DENND1C: variants seen among roughly 807,000 people sequenced by gnomAD.
DENND1C encodes the protein DENN domain-containing protein 1C.
DENND1C carries 64 observed loss-of-function variants against 87.9 expected under a neutral mutation model. The ratio of observed to expected loss-of-function variants is 0.73; its 90% confidence interval spans 0.60 to 0.90. The LOEUF is 0.90. Among genes scored for constraint, DENND1C ranks in the 40% least tolerant of loss-of-function variants. The probability of loss-of-function intolerance (pLI) is 0.00; values close to 1 mark genes in which losing one functional copy is unlikely to be tolerated. For missense variants in DENND1C, 980 were observed against 1,037.0 expected, an observed-to-expected ratio of 0.95 and a Z score of 0.76; for synonymous variants, 384 against 424.4, an observed-to-expected ratio of 0.90 and a Z score of 1.17.
chr19:6,471,651 T>G (rs2145185495), intron 15 of DENND1C, among the ~76,000 whole-genome samples, 155 bp from the exon 16 acceptor site: 1 of 152,152 alleles, frequency 6.6e-6, no homozygotes, highest in African/African-American at 2.4e-5. Flanking sequence ...TTATTTTTTA[T>G]TTTTATTTTT....
rs1293375435 is a variant in DENND1C at position 6,475,555 on chromosome 19, C to T, written c.856G>A (p.Val286Met). 3.7e-6 allele frequency: 6 copies of T among 1,614,008 alleles called. No individual in the cohort carries two copies. The highest frequency in any genetic ancestry group is 4.2e-6 in the Non-Finnish European group (5 of 1,179,872). The change falls in exon 13 of 23, where the codon GTG becomes ATG. Residue 286 changes from valine to methionine, a missense_variant. By Grantham distance (21) the Val-to-Met change is conservative (BLOSUM62 1). Transcript: ENST00000381480. Reference protein sequence around the residue: ...RVREKALEDVVVLNVDANTLE... With the variant: ...RVREKALEDVMVLNVDANTLE... ...GTATTGGCGTCCACGTTCAGCACCA[C>T]GACGTCCTCCAGGGCTTTTTCTCGT...
In DENND1C at chr19:6,477,236, G is replaced by A. The variant is rs1260099240; in HGVS notation, c.495C>T (p.Thr165=). ...CGCTCACCGGCTTGCTATTCCCCCG[G>A]GTAGGGGGGGGGATACCCTGCCCGC... The part of the protein sequence containing the change: ...VSSGQGIPPP[T]RGNSKPLSCF... The change falls in exon 8 of 23, where the codon ACC becomes ACT. Residue 165 remains threonine (T), a synonymous_variant. Transcript: ENST00000381480. 3.2e-6 allele frequency: 5 copies of A among 1,585,600 alleles called. No homozygotes were observed. Among genetic ancestry groups the A allele is most frequent in the Non-Finnish European group, 3.4e-6 (4 of 1,165,208 alleles).
chr19:6,476,752 G>C (rs4807872), intron 10 of DENND1C, 105 bp downstream of exon 10: 3 of 1,166,618 alleles, frequency 2.6e-6, no homozygotes, highest in East Asian at 5.2e-5. Context: ...CTTCGCCCTC[G>C]GGTCTCGCGC....
rs902771243 is a variant in DENND1C at position 6,481,744 on chromosome 19, G to A, written c.-49C>T. 4.6e-6 allele frequency: 7 copies of A among 1,517,202 alleles called. No individual in the cohort carries two copies. Among genetic ancestry groups the A allele is most frequent in the African/African-American group, 1.4e-5 (1 of 69,804 alleles). 94.0% of individuals were successfully genotyped at this position (1,517,202 alleles called of 1,614,324 possible). On this transcript the variant is annotated 5_prime_UTR_variant, in exon 1 of 23. Coordinates refer to ENST00000381480, the MANE Select transcript of DENND1C (RefSeq NM_024898.4). ...GGGGCCCTCTCCCCAGGGGTCCTGG[G>A]GGCCTGTGTATGCTGGGCCCCAAGC... is the stretch of plus-strand genomic sequence containing the variant.
intron 19 of DENND1C, 65 bp from the exon 20 acceptor site, chr19:6,469,018 G>T: frequency 3.1e-6 from 3 of 970,906 alleles, no homozygotes; most frequent in Non-Finnish European, 4.1e-6. Context: ...CCTACCATTG[G>T]TCTTTAGTTA....
chr19:6,480,346 CCTGTCTG>C, intron 1 of DENND1C: 1 of 1,339,334 alleles, frequency 7.5e-7, no homozygotes, highest in Non-Finnish European at 9.6e-7. Flanking sequence ...TGTGTGTGAT[CCTGTCTG>C]CTGTCTGCCT....
Position 6,469,582 on chromosome 19 carries a change from C to G in DENND1C, c.1407+14G>C, listed in dbSNP as rs746411728. 7 of 1,601,132 alleles carry G rather than the reference C, an allele frequency of 4.4e-6. No individual in the cohort carries two copies. In the African/African-American group the frequency reaches 9.4e-5, roughly 21 times the overall value. The stretch of plus-strand genomic sequence containing the variant: ...TACAGGGGTGAGCCACTGCACCCGG[C>G]CAGTTGATCTTACCTTATACATTAG... On this transcript the variant is annotated intron_variant, in intron 19 of 22. Coordinates refer to ENST00000381480, the MANE Select transcript of DENND1C (RefSeq NM_024898.4).
intron 4 of DENND1C, 138 bp downstream of exon 4, chr19:6,479,531 C>CCTGAGTGT (rs2092885893): frequency 9.4e-7 from 1 of 1,065,426 alleles, no homozygotes; most frequent in Non-Finnish European, 1.4e-6. Flanking sequence ...TCTCAGGGCC[C>CCTGAGTGT]CTGAGTGTCT....
chr19:6,475,448 C>G (rs1599385178), intron 13 of DENND1C, 36 bp downstream of exon 13: 1 of 1,613,570 alleles, frequency 6.2e-7, no homozygotes, highest in East Asian at 2.2e-5. Context: ...GGCCCCTCGC[C>G]TCCCGGGGCA....
At chr19:6,478,673 G>T in intron 6 of DENND1C, 110 bp downstream of exon 6, 1 of 1,286,878 alleles carries the variant, frequency 7.8e-7, no homozygotes. Flanking sequence ...GACTACAGGT[G>T]TGACACAGTG....
At position 6,471,280 on chromosome 19, in the gene DENND1C, C is replaced by T. The variant is rs200123826; in HGVS notation, c.1275G>A (p.Trp425Ter). 73 of 1,594,984 alleles carry T rather than the reference C, an allele frequency of 4.6e-5. No homozygotes were observed. Among genetic ancestry groups the T allele is most frequent in the Non-Finnish European group, 5.7e-5 (67 of 1,170,676 alleles). ...GTGGTCTTACCTTTAGATTGTCGGCCCAGAGCTGATAGGATCGAAGGGCCC... is the reference window on the plus strand; with the variant it reads ...GTGGTCTTACCTTTAGATTGTCGGCTCAGAGCTGATAGGATCGAAGGGCCC... ...SSGALRSYQL[W>*]ADNLKKGGGA... The change falls in exon 17 of 23, where the codon TGG becomes TGA. Residue 425 changes from tryptophan to a stop codon, truncating the protein, a stop_gained. Coordinates refer to ENST00000381480, the MANE Select transcript of DENND1C (RefSeq NM_024898.4). LOFTEE classifies it high-confidence loss of function.
chr19:6,475,935 CAGCTGGGG>C lies in DENND1C; in HGVS notation c.679-6_680del. 6.4e-7 allele frequency: 1 copy of C among 1,560,470 alleles called. No homozygotes were observed. The highest frequency in any genetic ancestry group is 8.6e-7 in the Non-Finnish European group (1 of 1,162,514). On this transcript the variant is annotated splice_acceptor_variant and splice_polypyrimidine_tract_variant and coding_sequence_variant and intron_variant, in exon 11 of 23. Transcript: ENST00000381480. LOFTEE classifies it high-confidence loss of function. ...CGCAGGACGCGTGGACGCACGAGGT[CAGCTGGGG>C]AGCGATGGCGGGGCGTGGAGTCAGG...
Position 6,479,691 on chromosome 19 carries a change from A to T in DENND1C, c.154T>A (p.Cys52Ser). The T allele has an allele frequency of 1.2e-6, 2 of 1,613,918 alleles. No homozygotes were observed. Among genetic ancestry groups the T allele is most frequent in the Non-Finnish European group, 1.7e-6 (2 of 1,179,858 alleles). Residue 52 changes from cysteine (C) to serine (S), a missense_variant, in exon 4 of 23, where the codon TGC becomes AGC. Coordinates refer to ENST00000381480, the MANE Select transcript of DENND1C (RefSeq NM_024898.4). ...QEAMQMVPKF[C>S]FPFDVEREPP... is the part of the protein sequence containing the mutation. ...TACCTTTCCACATCAAAAGGGAAGCAGAATTTAGGCACCATCTGCATAGCT... is the reference window on the plus strand; with the variant it reads ...TACCTTTCCACATCAAAAGGGAAGCTGAATTTAGGCACCATCTGCATAGCT...
chr19:6,467,383 G>T lies in DENND1C; in HGVS notation c.*121C>A. 1.5e-6 allele frequency: 2 copies of T among 1,322,210 alleles called. No homozygotes were observed. Among genetic ancestry groups the T allele is most frequent in the Non-Finnish European group, 2.0e-6 (2 of 1,003,302 alleles). The allele number at this position is 1,322,210 out of a possible 1,614,324, so 81.9% of individuals were successfully genotyped here. A position where few individuals can be genotyped will look rare whatever the true frequency, so the allele number is the denominator to read the frequency against. On this transcript the variant is annotated 3_prime_UTR_variant, in exon 23 of 23. Coordinates refer to ENST00000381480, the MANE Select transcript of DENND1C (RefSeq NM_024898.4). Reference sequence around the variant, plus strand: ...AGGCTGCCCTTGGAGGGACAGAGGTGGGTGGGATGGATTTCCGAGCAGAGT... The same window carrying T: ...AGGCTGCCCTTGGAGGGACAGAGGTTGGTGGGATGGATTTCCGAGCAGAGT...
chr19:6,481,619 C>G, intron 1 of DENND1C, 60 bp downstream of exon 1: 1 of 1,608,978 alleles, frequency 6.2e-7, no homozygotes, highest in South Asian at 1.1e-5. Flanking sequence ...CCCCTCTGCC[C>G]CGGCTCAGGC....
chr19:6,472,870 C>G lies in DENND1C; in HGVS notation c.1158+19G>C. On this transcript the variant is annotated intron_variant, in intron 15 of 22. Transcript: ENST00000381480. ...AGTCCACCTCCAGTCCCAGCTGGACCCTCAGGGCTCTGGCATACCTGTTTG... is the reference window on the plus strand; with the variant it reads ...AGTCCACCTCCAGTCCCAGCTGGACGCTCAGGGCTCTGGCATACCTGTTTG... 8.0e-6 allele frequency: 12 copies of G among 1,493,076 alleles called. No homozygotes were observed. Among genetic ancestry groups the G allele is most frequent in the Non-Finnish European group, 9.8e-6 (11 of 1,121,734 alleles). 92.5% of individuals were successfully genotyped at this position (1,493,076 alleles called of 1,614,324 possible).
At position 6,477,258 on chromosome 19, in the gene DENND1C, C is replaced by T. The variant is rs780768797; in HGVS notation, c.473G>A (p.Gly158Glu). ...CCGGGTAGGGGGGGGGATACCCTGC[C>T]CGCTGGAGACCGTCACTCCGCTGCC... ...ELGSGVTVSS[G>E]QGIPPPTRGN... The change falls in exon 8 of 23, where the codon GGG (glycine) becomes GAG (glutamate). Residue 158 changes from glycine (G) to glutamate (E), a missense_variant. Coordinates refer to ENST00000381480, the MANE Select transcript of DENND1C (RefSeq NM_024898.4). 6.3e-7 allele frequency: 1 copy of T among 1,584,598 alleles called. No individual in the cohort carries two copies. Among genetic ancestry groups the T allele is most frequent in the African/African-American group, 1.3e-5 (1 of 74,140 alleles).
Position 6,478,733 on chromosome 19 carries a change from G to A in DENND1C, c.366+50C>T, listed in dbSNP as rs1474412935. On this transcript the variant is annotated intron_variant, in intron 6 of 22. Transcript: ENST00000381480. ...GAGAGGGAGGGGTTGGGAGGTTGAG[G>A]GGGGTGGGGGCTGGGACTCCCACAG... The A allele has an allele frequency of 1.9e-6, 3 of 1,569,010 alleles. No homozygotes were observed. In the East Asian group the frequency reaches 6.9e-5, roughly 36 times the overall value.
In DENND1C at chr19:6,468,082, G is replaced by A. The variant is rs2092805895; in HGVS notation, c.1828C>T (p.Leu610=). The change falls in exon 23 of 23, where the codon CTA becomes TTA. Residue 610 remains leucine (L), a synonymous_variant. Coordinates refer to ENST00000381480, the MANE Select transcript of DENND1C (RefSeq NM_024898.4). ...IPRWQPDDKK[L]PEPEPQPLSL... The stretch of plus-strand genomic sequence containing the variant: ...AGGGGCTGGGGCTCCGGCTCTGGTA[G>A]TTTCTTATCGTCTGGTTGCCATCTT... 6.2e-7 allele frequency: 1 copy of A among 1,613,688 alleles called. No homozygotes were observed. Among genetic ancestry groups the A allele is most frequent in the Admixed American group, 1.7e-5 (1 of 59,974 alleles).
Sources: allele counts gnomAD v4.1 joint callset (sites outside exome capture counted in the v4.1 genomes callset), GRCh38; gene constraint gnomAD v4.1.1; transcripts MANE v1.5; gene names NCBI Gene and HGNC (gene_info 2026-07-23, HGNC 2026-07-21).